Variants in GPR158 observed in about 807,000 individuals in gnomAD.
The protein encoded by GPR158 is metabotropic glycine receptor.
In GPR158, 30 loss-of-function variants were observed where a neutral mutation model predicts 78.2. That is an observed-to-expected ratio of 0.38 (90% CI 0.29 to 0.52). GPR158 has a LOEUF of 0.52. Ranked by LOEUF, GPR158 falls within the 20% of genes least tolerant of loss-of-function variation. The pLI, the probability that GPR158 is intolerant of heterozygous loss-of-function variation, is 0.83. For missense variants in GPR158, 1,463 were observed against 1,523.5 expected (o/e 0.96, Z 0.66); for synonymous variants, 581 against 591.1 (o/e 0.98, Z 0.25).
At position 25,315,827 on chromosome 10, in the gene GPR158, AC is replaced by A. The variant is rs141292543; in HGVS notation, c.1009-80081del. ...AAAACACCTTTTGAAATGCCTTTAGACCCTGTTGTTAAAATGTCACCCTTTG... is the reference window on the plus strand; with the variant it reads ...AAAACACCTTTTGAAATGCCTTTAGACCTGTTGTTAAAATGTCACCCTTTG... On this transcript the variant is annotated intron_variant, in intron 2 of 10. Transcript: ENST00000376351. Among the ~76,000 whole-genome samples, 408 of 152,096 alleles carry A rather than the reference AC, an allele frequency of 2.7e-3. 2 individuals are homozygous for A. Among genetic ancestry groups the A allele is most frequent in the African/African-American group, 9.5e-3 (394 of 41,502 alleles).
chr10:25,377,854 T>C lies in GPR158; in HGVS notation c.1009-18057T>C, dbSNP rs567334477. Among the ~76,000 whole-genome samples, 21 of 152,248 alleles carry C rather than the reference T, an allele frequency of 1.4e-4. No homozygotes were observed. In the South Asian group the frequency reaches 2.3e-3, roughly 17 times the overall value. On this transcript the variant is annotated intron_variant, in intron 2 of 10. Transcript: ENST00000376351. The stretch of plus-strand genomic sequence containing the variant: ...CTATGAAAATTTTTGTGCATATTTT[T>C]ATGTAGACATATGTTTTCAATTGTC...
Position 25,489,235 on chromosome 10 carries a change from T to G in GPR158, c.1404+22516T>G, listed in dbSNP as rs183238611. On this transcript the variant is annotated intron_variant, in intron 5 of 10. Transcript: ENST00000376351. ...TTAGAGACATCTCAAACAGCAAGAG[T>G]TGCTAAAGAAGTTTAAGGAAACTTC... is the stretch of plus-strand genomic sequence containing the variant. 7.8e-4 allele frequency among the ~76,000 whole-genome samples: 118 copies of G among 152,170 alleles called. 1 individual carries two copies. In the East Asian group the frequency reaches 0.019, roughly 25 times the overall value.
chr10:25,374,153 G>A (rs530372366), intron 2 of GPR158, among the ~76,000 whole-genome samples: 54 of 151,620 alleles, frequency 3.6e-4, no homozygotes, highest in African/African-American at 1.3e-3. Context: ...ATGTGTCGTC[G>A]TGAAATGCCA....
intron 2 of GPR158, among the ~76,000 whole-genome samples, chr10:25,232,551 G>A (rs1588747834): frequency 6.6e-6 from 1 of 152,078 alleles, no homozygotes. Context: ...AAGATGAAAG[G>A]CCTTATTTCC....
intron 2 of GPR158, among the ~76,000 whole-genome samples, chr10:25,253,418 T>C (rs1354356493): frequency 6.6e-6 from 1 of 152,192 alleles, no homozygotes; most frequent in Non-Finnish European, 1.5e-5. Context: ...GGGGATACTA[T>C]ATTTGTGCTT....
At chr10:25,370,626 G>A (rs1173808570) in intron 2 of GPR158, among the ~76,000 whole-genome samples, 3 of 148,088 alleles carry the variant, frequency 2.0e-5, no homozygotes, top group Non-Finnish European at 3.0e-5. Flanking sequence ...GTGTGGTGCT[G>A]AAAAAAATGT....
intron 1 of GPR158, among the ~76,000 whole-genome samples, chr10:25,197,755 T>C (rs185307981): frequency 6.6e-6 from 1 of 152,332 alleles, no homozygotes; most frequent in East Asian, 1.9e-4. Flanking sequence ...GTTATGAAAC[T>C]TTAATGAATC....
intron 4 of GPR158, among the ~76,000 whole-genome samples, chr10:25,448,278 G>A (rs994119584): frequency 6.6e-6 from 1 of 151,600 alleles, no homozygotes; most frequent in Non-Finnish European, 1.5e-5. Flanking sequence ...TTTTAGTAGA[G>A]ACGGGGTTTC....
intron 2 of GPR158, among the ~76,000 whole-genome samples, chr10:25,288,250 G>C (rs920893834): frequency 6.6e-6 from 1 of 152,152 alleles, no homozygotes; most frequent in Admixed American, 6.5e-5. Flanking sequence ...GAACACAAGT[G>C]TTTTTAATCA....
Position 25,175,537 on chromosome 10 carries a change from C to A in GPR158, c.117C>A (p.Thr39=), listed in dbSNP as rs1852513307. The change falls in exon 1 of 11, where the codon ACC becomes ACA. Residue 39 remains threonine, a synonymous_variant. Transcript: ENST00000376351. The surrounding 1 kb of genome is among the most constrained non-coding windows in gnomAD (Gnocchi z 6.4). ...GGCCGGATTCCCCTCGAGAGAGGAC[C>A]CCGAAGGGGAAGCCGCACGCCCAGC... is the stretch of plus-strand genomic sequence containing the variant. ...QGRPDSPRER[T]PKGKPHAQQP... 1.9e-6 allele frequency: 3 copies of A among 1,612,084 alleles called. No homozygotes were observed. The highest frequency in any genetic ancestry group is 2.5e-6 in the Non-Finnish European group (3 of 1,179,886).
chr10:25,399,934 G>A (rs553772672), intron 3 of GPR158, among the ~76,000 whole-genome samples: 4 of 152,094 alleles, frequency 2.6e-5, no homozygotes, highest in African/African-American at 9.7e-5. Flanking sequence ...TTGAACCAAA[G>A]GTAAGAAAGG....
At chr10:25,310,113 C>A (rs1854742026) in intron 2 of GPR158, among the ~76,000 whole-genome samples, 1 of 152,106 alleles carries the variant, frequency 6.6e-6, no homozygotes, top group Admixed American at 6.6e-5. Context: ...CATTCTTTTG[C>A]CTGTGGATAT....
intron 3 of GPR158, among the ~76,000 whole-genome samples, chr10:25,397,145 A>G (rs567715459): frequency 1.4e-4 from 21 of 152,328 alleles, no homozygotes; most frequent in Admixed American, 1.4e-3. Flanking sequence ...AGAATGTCCC[A>G]TCATATTTAC....
Position 25,407,979 on chromosome 10 carries a change from T to C in GPR158, c.1112-4271T>C, listed in dbSNP as rs571288260. Among the ~76,000 whole-genome samples, 5 of 152,326 alleles carry C rather than the reference T, an allele frequency of 3.3e-5. 1 individual carries two copies. Among genetic ancestry groups the C allele is most frequent in the African/African-American group, 9.6e-5 (4 of 41,564 alleles). Reference sequence around the variant, plus strand: ...TTAAATATATGAGCAGTTAACATACTGCAATATTTTTCAAGTTTGAGTGAT... The same window carrying C: ...TTAAATATATGAGCAGTTAACATACCGCAATATTTTTCAAGTTTGAGTGAT... On this transcript the variant is annotated intron_variant, in intron 3 of 10. Transcript: ENST00000376351.
At chr10:25,186,688 C>G (rs570185816) in intron 1 of GPR158, among the ~76,000 whole-genome samples, 124 of 152,230 alleles carry the variant, frequency 8.1e-4, no homozygotes, top group African/African-American at 3.0e-3. Flanking sequence ...AGTTGAATCC[C>G]TGAATAGACC....
chr10:25,394,465 TG>T (rs1450031710), intron 2 of GPR158, among the ~76,000 whole-genome samples: 1 of 152,356 alleles, frequency 6.6e-6, no homozygotes, highest in East Asian at 1.9e-4. Context: ...TTTGACCTAT[TG>T]TATAACTGGA....
intron 5 of GPR158, among the ~76,000 whole-genome samples, chr10:25,494,089 G>A (rs1403501673): frequency 6.6e-6 from 1 of 152,276 alleles, no homozygotes; most frequent in East Asian, 1.9e-4. Context: ...TACTAGAGAG[G>A]AGGGTTGACT....
At position 25,175,380 on chromosome 10, in the gene GPR158, TCC is replaced by T. The variant is rs55717617; in HGVS notation, c.-34_-33del. On this transcript the variant is annotated 5_prime_UTR_variant, in exon 1 of 11. Transcript: ENST00000376351. This position sits in a 1 kb window ranked among gnomAD's most constrained non-coding sequence, Gnocchi z 6.4. ...TGACGATCCAAATTTAAAAAGTGAT[TCC>T]CCCCCCTCCCGTTCCCTCCTCTTCT... 4 of 1,232,666 alleles carry T rather than the reference TCC, an allele frequency of 3.2e-6. No individual in the cohort carries two copies. The highest frequency in any genetic ancestry group is 1.5e-5 in the South Asian group (1 of 68,890). The allele number at this position is 1,232,666 out of a possible 1,614,324, so 76.4% of individuals were successfully genotyped here. A position where few individuals can be genotyped will look rare whatever the true frequency, so the allele number is the denominator to read the frequency against.
chr10:25,267,035 G>A (rs1854053307), intron 2 of GPR158, among the ~76,000 whole-genome samples: 1 of 152,084 alleles, frequency 6.6e-6, no homozygotes, highest in Non-Finnish European at 1.5e-5. Context: ...TCTCTGCTGA[G>A]TTTTGTCTTT....
Sources: allele counts gnomAD v4.1 joint callset (sites outside exome capture counted in the v4.1 genomes callset), GRCh38; gene constraint gnomAD v4.1.1; non-coding constraint Gnocchi (gnomAD v3.1); transcripts MANE v1.5; gene names NCBI Gene and HGNC (gene_info 2026-07-23, HGNC 2026-07-21).